Variants in APBB3 observed in about 807,000 individuals in gnomAD.
APBB3 encodes amyloid beta precursor protein binding family B member 3.
In APBB3, 50 loss-of-function variants were observed where a neutral mutation model predicts 61.5. That is an observed-to-expected ratio of 0.81 (90% CI 0.65 to 1.03). The LOEUF (loss-of-function observed/expected upper bound fraction) is 1.03. APBB3 is among the 50% of genes least tolerant of loss of function. The pLI, the probability that APBB3 is intolerant of heterozygous loss-of-function variation, is 0.00. For synonymous variants in APBB3, 235 were observed against 233.0 expected (o/e 1.01, Z -0.08); for missense variants, 550 against 637.4 (o/e 0.86, Z 1.48).
Position 140,564,163 on chromosome 5 carries a change from T to G in APBB3, c.49+34A>C. On this transcript the variant is annotated intron_variant, in intron 1 of 12. Transcript: ENST00000357560. The surrounding 1 kb of genome is among the most constrained non-coding windows in gnomAD (Gnocchi z 5.0). The stretch of plus-strand genomic sequence containing the variant: ...TCGGATTCCCTCGTCCTCCCTCAGC[T>G]CCTGGTCTTCCCACCGGGCCCCTCC... 1 of 1,613,880 alleles carries G rather than the reference T, an allele frequency of 6.2e-7. No individual in the cohort carries two copies. Among genetic ancestry groups the G allele is most frequent in the East Asian group, 2.2e-5 (1 of 44,876 alleles).
At chr5:140,558,877 A>C in intron 12 of APBB3, 56 bp from the exon 13 acceptor site, 1 of 1,504,414 alleles carries the variant, frequency 6.6e-7, no homozygotes, top group Non-Finnish European at 9.2e-7. Context: ...GACTCCCTGA[A>C]AGCTTCTGCA....
Position 140,564,375 on chromosome 5 carries a change from T to TCCGGGGCGGG in APBB3, c.-131_-130insCCCGCCCCGG. The TCCGGGGCGGG allele has an allele frequency of 9.6e-7, 1 of 1,039,500 alleles. No individual in the cohort carries two copies. The highest frequency in any genetic ancestry group is 1.4e-6 in the Non-Finnish European group (1 of 708,234). The allele number at this position is 1,039,500 out of a possible 1,614,324, so 64.4% of individuals were successfully genotyped here. A position where few individuals can be genotyped will look rare whatever the true frequency, so the allele number is the denominator to read the frequency against. ...GCGGGGCCAGCTGGCGCCGCACAAATACGGGGCGGGACACGGGGCGGGACA... is the reference window on the plus strand; with the variant it reads ...GCGGGGCCAGCTGGCGCCGCACAAATCCGGGGCGGGACGGGGCGGGACACGGGGCGGGACA... On this transcript the variant is annotated 5_prime_UTR_variant, in exon 1 of 13. Transcript: ENST00000357560. The surrounding 1 kb of genome is among the most constrained non-coding windows in gnomAD (Gnocchi z 5.0).
At position 140,564,045 on chromosome 5, in the gene APBB3, TG is replaced by T; in HGVS notation, c.50-131del. 3 of 1,466,886 alleles carry T rather than the reference TG, an allele frequency of 2.0e-6. No individual in the cohort carries two copies. The highest frequency in any genetic ancestry group is 2.8e-6 in the Non-Finnish European group (3 of 1,081,262). The allele number at this position is 1,466,886 out of a possible 1,614,324, so 90.9% of individuals were successfully genotyped here. A position where few individuals can be genotyped will look rare whatever the true frequency, so the allele number is the denominator to read the frequency against. On this transcript the variant is annotated intron_variant, in intron 1 of 12. Transcript: ENST00000357560. The surrounding 1 kb of genome is among the most constrained non-coding windows in gnomAD (Gnocchi z 5.0). ...GCTGAAGATCCAGGCTCCTCAATCT[TG>T]AAGACATCACATGTAAAGACCGGGT...
At chr5:140,562,906 T>G in intron 3 of APBB3, 183 bp from the exon 4 acceptor site, 1 of 613,562 alleles carries the variant, frequency 1.6e-6, no homozygotes. Context: ...ACTCAGAATT[T>G]GAGGGAAAAT....
In APBB3 at chr5:140,561,671, A is replaced by G. The variant is rs779728971; in HGVS notation, c.663T>C (p.Asp221=). The G allele has an allele frequency of 1.2e-6, 2 of 1,614,224 alleles. No individual in the cohort carries two copies. Among genetic ancestry groups the G allele is most frequent in the African/African-American group, 1.3e-5 (1 of 75,062 alleles). Residue 221 remains aspartate, a synonymous_variant, in exon 8 of 13, where the codon GAT becomes GAC. Transcript: ENST00000357560. ...ACACATGGCACTTGAGCATACAGCT[A>G]TCTTTGTCACTTGCCACAAAAGCGA... ...RDFAFVASDK[D]SCMLKCHVFC...
At chr5:140,561,317 A>G (rs1754943974) in intron 9 of APBB3, 48 bp downstream of exon 9, 1 of 1,598,414 alleles carries the variant, frequency 6.3e-7, no homozygotes, top group Non-Finnish European at 8.6e-7. Context: ...CCCACAAAGC[A>G]GCACCAAAGC....
chr5:140,562,993 T>A, intron 3 of APBB3: 1 of 454,592 alleles, frequency 2.2e-6, no homozygotes. Context: ...ACGCCTGTAA[T>A]CCCAACACTT....
At position 140,562,111 on chromosome 5, in the gene APBB3, G is replaced by A; in HGVS notation, c.615C>T (p.Ser205=). The part of the protein sequence containing the change: ...LVHIRVWGVG[S]SKGRDRDFAF... ...GTAGGCATCCTCACCGGCCCTTGGA[G>A]CTCCCCACGCCCCACACACGGATGT... The change falls in exon 6 of 13, where the codon AGC becomes AGT. Residue 205 remains serine (S), a synonymous_variant. Transcript: ENST00000357560. The A allele has an allele frequency of 1.9e-6, 3 of 1,614,004 alleles. No homozygotes were observed. Among genetic ancestry groups the A allele is most frequent in the Non-Finnish European group, 2.5e-6 (3 of 1,179,944 alleles).
In APBB3 at chr5:140,563,705, C is replaced by T. The variant is rs540241541; in HGVS notation, c.214-35G>A. The T allele has an allele frequency of 1.9e-6, 3 of 1,613,910 alleles. No individual in the cohort carries two copies. The African/African-American group carries it at 4.0e-5, about 22-fold the overall frequency. On this transcript the variant is annotated intron_variant, in intron 2 of 12. Transcript: ENST00000357560. ...GGGAGTTAGTCAGTTTAACAGCAGA[C>T]CTAGGTCCACACATGGGCTCAGACC...
chr5:140,561,134 T>G lies in APBB3; in HGVS notation c.833-33A>C, dbSNP rs747471524. 1.6e-5 allele frequency: 25 copies of G among 1,611,864 alleles called. No individual in the cohort carries two copies. The Admixed American group carries it at 4.0e-4, about 26-fold the overall frequency. ...ATACACACCAAGTTGGCCTGGAAGC[T>G]CTTTCAATTACCCTTTTCCCCACCC... On this transcript the variant is annotated intron_variant, in intron 9 of 12. Transcript: ENST00000357560.
chr5:140,562,451 G>C lies in APBB3; in HGVS notation c.400C>G (p.Leu134Val). The C allele has an allele frequency of 6.2e-7, 1 of 1,614,180 alleles. No homozygotes were observed. The highest frequency in any genetic ancestry group is 1.3e-5 in the African/African-American group (1 of 75,064). The stretch of plus-strand genomic sequence containing the variant: ...GCAATACTGCTCTTCCCCGGTGCCA[G>C]GTCCTCTTCAGGTACCTCTACCCAG... ...LGWVEVPEED[L>V]APGKSSIAVN... is the part of the protein sequence containing the mutation. Residue 134 changes from leucine to valine, a missense_variant, in exon 5 of 13, where the codon CTG becomes GTG. This residue lies in a region of APBB3 where 405 missense variants were observed against 483.4 expected (regional missense o/e 0.84). Coordinates refer to ENST00000357560, the MANE Select transcript of APBB3 (RefSeq NM_133173.3).
In APBB3 at chr5:140,560,945, A is replaced by G. The variant is rs771103065; in HGVS notation, c.916+73T>C. On this transcript the variant is annotated intron_variant, in intron 10 of 12. Coordinates refer to ENST00000357560, the MANE Select transcript of APBB3 (RefSeq NM_133173.3). The surrounding 1 kb of genome is among the most constrained non-coding windows in gnomAD (Gnocchi z 5.1). The stretch of plus-strand genomic sequence containing the variant: ...GCCACGGGAGGACTCTTGAGAAATG[A>G]TAACAGGCCTCACCTCACTCACCTT... 3.5e-5 allele frequency: 54 copies of G among 1,531,702 alleles called. No individual in the cohort carries two copies. The highest frequency in any genetic ancestry group is 1.8e-4 in the South Asian group (16 of 87,928). The allele number at this position is 1,531,702 out of a possible 1,614,324, so 94.9% of individuals were successfully genotyped here.
intron 6 of APBB3, 120 bp from the exon 7 acceptor site, chr5:140,561,969 A>C (rs528586819): frequency 7.2e-4 from 1,163 of 1,611,360 alleles, no homozygotes; most frequent in Non-Finnish European, 9.3e-4. Flanking sequence ...AGGCAGGGGA[A>C]GCAGTCCTGG....
Position 140,564,355 on chromosome 5 carries a change from GC to G in APBB3, c.-111del. On this transcript the variant is annotated 5_prime_UTR_variant, in exon 1 of 13. Transcript: ENST00000357560. This position sits in a 1 kb window ranked among gnomAD's most constrained non-coding sequence, Gnocchi z 5.0. ...GCCTCTCTGCGCCGCAGGCTGCGGG[GC>G]CAGCTGGCGCCGCACAAATACGGGG... The G allele has an allele frequency of 7.4e-7, 1 of 1,348,282 alleles. No individual in the cohort carries two copies. Among genetic ancestry groups the G allele is most frequent in the Non-Finnish European group, 1.0e-6 (1 of 973,798 alleles). 83.5% of individuals were successfully genotyped at this position (1,348,282 alleles called of 1,614,324 possible).
rs1454700752 is a variant in APBB3, at chr5:140,563,616, G to A, written c.268C>T (p.Leu90=). 6.2e-7 allele frequency: 1 copy of A among 1,614,082 alleles called. No individual in the cohort carries two copies. The highest frequency in any genetic ancestry group is 1.3e-5 in the African/African-American group (1 of 74,938). ...TACCTCCGGTCCAGTGAACTCTCCA[G>A]GCTGGAGAAGGATCTCCCTTTGGGG... ...RPPKGRSFSS[L]ESSLDRSNSL... The change falls in exon 3 of 13, where the codon CTG becomes TTG. Residue 90 remains leucine, a synonymous_variant. Transcript: ENST00000357560.
Position 140,558,702 on chromosome 5 carries a change from C to T in APBB3, c.1344G>A (p.Leu448=), listed in dbSNP as rs1233906545. 1 of 1,610,982 alleles carries T rather than the reference C, an allele frequency of 6.2e-7. No individual in the cohort carries two copies. The highest frequency in any genetic ancestry group is 1.1e-5 in the South Asian group (1 of 90,808). ...TSSMDSPGGP[L]PLPLLKGGVG... is the part of the protein sequence containing the mutation. ...CCCCTCCTTTGAGCAGGGGGAGGGG[C>T]AGGGGACCTCCTGGGGAATCCATGG... is the stretch of plus-strand genomic sequence containing the variant. The change falls in exon 13 of 13, where the codon CTG becomes CTA. Residue 448 remains leucine (L), a synonymous_variant. Transcript: ENST00000357560.
At chr5:140,561,259 A>G in intron 9 of APBB3, 106 bp downstream of exon 9, 1 of 1,481,582 alleles carries the variant, frequency 6.7e-7, no homozygotes, top group South Asian at 1.1e-5. Context: ...GAGACCAGAC[A>G]TCTCAGAAAT....
At position 140,562,507 on chromosome 5, in the gene APBB3, G is replaced by A; in HGVS notation, c.352-8C>T. On this transcript the variant is annotated splice_polypyrimidine_tract_variant and splice_region_variant and intron_variant, in intron 4 of 12. Coordinates refer to ENST00000357560, the MANE Select transcript of APBB3 (RefSeq NM_133173.3). ...AGAGCGGACTGCAAAGCACTGACAG[G>A]TTGGGGGAAGGGACAGGAATTAATA... 1.2e-6 allele frequency: 2 copies of A among 1,613,824 alleles called. No individual in the cohort carries two copies. Among genetic ancestry groups the A allele is most frequent in the Non-Finnish European group, 1.7e-6 (2 of 1,179,916 alleles).
At position 140,560,832 on chromosome 5, in the gene APBB3, T is replaced by A. The variant is rs964114197; in HGVS notation, c.917-78A>T. ...GAGTGTCTAGCCCCCTCTCACTGAT[T>A]TGGGATTCAGAGATAGGGAATAGGA... On this transcript the variant is annotated intron_variant, in intron 10 of 12. Transcript: ENST00000357560. This position sits in a 1 kb window ranked among gnomAD's most constrained non-coding sequence, Gnocchi z 5.1. 1.4e-6 allele frequency: 2 copies of A among 1,470,688 alleles called. No individual in the cohort carries two copies. The highest frequency in any genetic ancestry group is 1.9e-6 in the Non-Finnish European group (2 of 1,057,026). The allele number at this position is 1,470,688 out of a possible 1,614,324, so 91.1% of individuals were successfully genotyped here. A position where few individuals can be genotyped will look rare whatever the true frequency, so the allele number is the denominator to read the frequency against.
Sources: gnomAD v4.1 joint callset for allele counts on GRCh38, gnomAD v4.1.1 for gene constraint, gnomAD v4.1.1 regional missense constraint, Gnocchi (gnomAD v3.1) non-coding constraint, MANE v1.5 for transcripts, NCBI Gene and HGNC (gene_info 2026-07-23, HGNC 2026-07-21) for gene names.